Variants in CEMIP observed in about 807,000 individuals in gnomAD.
CEMIP encodes the protein cell migration-inducing and hyaluronan-binding protein.
CEMIP carries 105 observed loss-of-function variants against 156.9 expected under a neutral mutation model. The ratio of observed to expected loss-of-function variants is 0.67; its 90% confidence interval spans 0.57 to 0.79. The LOEUF is 0.79. CEMIP is among the 30% of genes least tolerant of loss of function. The probability of loss-of-function intolerance (pLI) is 0.00; values close to 1 mark genes in which losing one functional copy is unlikely to be tolerated. For synonymous variants in CEMIP, 676 were observed against 668.4 expected, an observed-to-expected ratio of 1.01 and a Z score of -0.17; for missense variants, 1,457 against 1,769.4, an observed-to-expected ratio of 0.82 and a Z score of 3.17.
intron 1 of CEMIP, among the ~76,000 whole-genome samples, chr15:80,834,894 G>A (rs912151357): frequency 6.6e-6 from 1 of 151,974 alleles, no homozygotes; most frequent in Non-Finnish European, 1.5e-5. Flanking sequence ...ATGAAGATAG[G>A]ATCTATCCAT....
intron 1 of CEMIP, among the ~76,000 whole-genome samples, chr15:80,782,806 A>G (rs1895831993): frequency 6.6e-6 from 1 of 152,242 alleles, no homozygotes; most frequent in African/African-American, 2.4e-5. Flanking sequence ...TGCTGGTGAC[A>G]TGAACAGAGC....
intron 28 of CEMIP, 75 bp downstream of exon 28, chr15:80,943,177 C>A: frequency 6.8e-7 from 1 of 1,465,016 alleles, no homozygotes; most frequent in Non-Finnish European, 9.6e-7. Flanking sequence ...CTCCCTCTCA[C>A]AAAGGCCCTC....
Position 80,941,237 on chromosome 15 carries a change from G to A in CEMIP, c.3408-612G>A, listed in dbSNP as rs1350104262. Among the ~76,000 whole-genome samples, 4 of 152,164 alleles carry A rather than the reference G, an allele frequency of 2.6e-5. No homozygotes were observed. In the South Asian group the frequency reaches 6.2e-4, roughly 24 times the overall value. ...CAGATGCAGGACTCAGCCTGAAAGC[G>A]CTTTTCTGCACTAAAAGAACAATAA... is the stretch of plus-strand genomic sequence containing the variant. On this transcript the variant is annotated intron_variant, in intron 25 of 29. Transcript: ENST00000394685.
chr15:80,824,377 C>T (rs2141661656), intron 1 of CEMIP, among the ~76,000 whole-genome samples: 1 of 152,306 alleles, frequency 6.6e-6, no homozygotes, highest in Non-Finnish European at 1.5e-5. Context: ...CTCAGATTCT[C>T]ATCTTTTGGG....
At chr15:80,785,128 C>T (rs747704584) in intron 1 of CEMIP, among the ~76,000 whole-genome samples, 5 of 152,134 alleles carry the variant, frequency 3.3e-5, no homozygotes, top group East Asian at 1.9e-4. Flanking sequence ...AGCGCAAGAT[C>T]GTTGTGCAAA....
At chr15:80,796,974 ACC>A (rs1896245590) in intron 1 of CEMIP, among the ~76,000 whole-genome samples, 1 of 152,180 alleles carries the variant, frequency 6.6e-6, no homozygotes, top group Non-Finnish European at 1.5e-5. Context: ...CAATCAGATA[ACC>A]TGGTACATTA....
chr15:80,928,873 T>TCTGACTAGCC (rs1567106328), intron 19 of CEMIP, 29 bp from the exon 20 acceptor site: 1 of 1,612,966 alleles, frequency 6.2e-7, no homozygotes, highest in East Asian at 2.2e-5. Context: ...CAGGGCATGC[T>TCTGACTAGCC]CTGACTATCT....
At chr15:80,794,867 A>G (rs536858817) in intron 1 of CEMIP, among the ~76,000 whole-genome samples, 1 of 152,342 alleles carries the variant, frequency 6.6e-6, no homozygotes, top group South Asian at 2.1e-4. Flanking sequence ...TTTGAGGAGA[A>G]AAAATAGGGG....
rs535980563 is a variant in CEMIP, at chr15:80,873,655, G to A, written c.-58G>A. The A allele has an allele frequency of 2.6e-4, 147 of 558,580 alleles. No individual in the cohort carries two copies. Among genetic ancestry groups the A allele is most frequent in the African/African-American group, 2.3e-3 (125 of 53,268 alleles). The allele number at this position is 558,580 out of a possible 1,614,324, so 34.6% of individuals were successfully genotyped here. A position where few individuals can be genotyped will look rare whatever the true frequency, so the allele number is the denominator to read the frequency against. On this transcript the variant is annotated 5_prime_UTR_variant, in exon 2 of 30. Transcript: ENST00000394685. ...GACAACGGTAGGATTTTCATGCCCC[G>A]ATCTGCCTGGCCTTGAGTTGTGGCA...
intron 1 of CEMIP, among the ~76,000 whole-genome samples, chr15:80,837,257 C>A (rs1897289400): frequency 6.6e-6 from 1 of 152,078 alleles, no homozygotes; most frequent in East Asian, 1.9e-4. Context: ...GATGTCATAC[C>A]AGATTCCATG....
chr15:80,802,584 C>T (rs549285041), intron 1 of CEMIP, among the ~76,000 whole-genome samples: 6 of 152,312 alleles, frequency 3.9e-5, no homozygotes, highest in South Asian at 2.1e-4. Flanking sequence ...CGTGGGCTGG[C>T]GAGAGCAGTG....
At chr15:80,878,583 C>A in intron 3 of CEMIP, 138 bp from the exon 4 acceptor site, 3 of 1,107,290 alleles carry the variant, frequency 2.7e-6, no homozygotes, top group Non-Finnish European at 2.7e-6. Context: ...TCTCTCAGCT[C>A]TCTAAGGTCT....
chr15:80,888,672 G>C (rs781706148), intron 8 of CEMIP, 29 bp from the exon 9 acceptor site: 11 of 1,606,080 alleles, frequency 6.8e-6, no homozygotes, highest in South Asian at 6.6e-5. Flanking sequence ...GGTCTGTCCA[G>C]CTCCTAAAGG....
intron 7 of CEMIP, among the ~76,000 whole-genome samples, chr15:80,885,922 C>T (rs4778865): frequency 0.96 from 146,284 of 152,308 alleles, 70,546 homozygotes; most frequent in East Asian, 1. Flanking sequence ...GGGAATTACA[C>T]GTCCACACCT....
At chr15:80,878,904 C>T in intron 4 of CEMIP, 37 bp downstream of exon 4, 1 of 1,613,442 alleles carries the variant, frequency 6.2e-7, no homozygotes, top group Non-Finnish European at 8.5e-7. Flanking sequence ...CTCTTCCCTC[C>T]ACTGCCCCAG....
intron 1 of CEMIP, among the ~76,000 whole-genome samples, chr15:80,804,983 T>C (rs1896477060): frequency 2.0e-5 from 3 of 152,186 alleles, no homozygotes; most frequent in African/African-American, 7.2e-5. Flanking sequence ...GTCACATGGC[T>C]GCACGGAGAA....
rs188466660 is a variant in CEMIP at position 80,810,112 on chromosome 15, A to T, written c.-176+30498A>T. 2.0e-4 allele frequency among the ~76,000 whole-genome samples: 31 copies of T among 151,522 alleles called. 1 individual carries two copies. In the East Asian group the frequency reaches 6.0e-3, roughly 29 times the overall value. On this transcript the variant is annotated intron_variant, in intron 1 of 29. Transcript: ENST00000394685. Reference sequence around the variant, plus strand: ...AGGTTCTGGGAATCTTGGTGGGGGGATCTTAAAATTCTGCCTGCCACACAA... The same window carrying T: ...AGGTTCTGGGAATCTTGGTGGGGGGTTCTTAAAATTCTGCCTGCCACACAA...
At chr15:80,941,782 T>G in intron 25 of CEMIP, 67 bp from the exon 26 acceptor site, 1 of 1,423,710 alleles carries the variant, frequency 7.0e-7, no homozygotes, top group Non-Finnish European at 9.8e-7. Context: ...AATGTCTCGG[T>G]GGGTGGGAGG....
intron 17 of CEMIP, 126 bp downstream of exon 17, chr15:80,922,263 C>T (rs979450366): frequency 2.2e-5 from 29 of 1,298,782 alleles, no homozygotes; most frequent in Admixed American, 7.1e-5. Context: ...ATGCTGGTCT[C>T]GAAGAAAATG....
Sources: allele counts gnomAD v4.1 joint callset (sites outside exome capture counted in the v4.1 genomes callset), GRCh38; gene constraint gnomAD v4.1.1; transcripts MANE v1.5; gene names NCBI Gene and HGNC (gene_info 2026-07-23, HGNC 2026-07-21).